Variants in CEP104 observed in about 807,000 individuals in gnomAD.
CEP104 encodes the protein centrosomal protein of 104 kDa.
A neutral mutation model predicts 113.3 loss-of-function variants in CEP104; 84 were observed. That is an observed-to-expected ratio of 0.74 (90% CI 0.62 to 0.89). CEP104 has a LOEUF of 0.89. CEP104 is among the 40% of genes least tolerant of loss of function. The pLI, the probability that CEP104 is intolerant of heterozygous loss-of-function variation, is 0.00. For missense variants in CEP104, 1,053 were observed against 1,156.6 expected (o/e 0.91, Z 1.30); for synonymous variants, 378 against 421.7 (o/e 0.90, Z 1.27).
chr1:3,851,933 C>T (rs777618767), intron 2 of CEP104, among the ~76,000 whole-genome samples: 2 of 152,158 alleles, frequency 1.3e-5, no homozygotes, highest in Admixed American at 6.5e-5. Flanking sequence ...AGGAGCCCAA[C>T]TGTAAAAGCA....
At chr1:3,854,557 C>A (rs776449036) in intron 1 of CEP104, among the ~76,000 whole-genome samples, 16 of 151,722 alleles carry the variant, frequency 1.1e-4, no homozygotes, top group Non-Finnish European at 2.1e-4. Context: ...TAACCTCTGT[C>A]TCCCTGGTTC....
At chr1:3,829,238 A>G (rs1644152208) in intron 15 of CEP104, 28 bp downstream of exon 15, 1 of 1,452,172 alleles carries the variant, frequency 6.9e-7, no homozygotes, top group Non-Finnish European at 9.4e-7. Context: ...CTAAAAGCAC[A>G]CAGGTGAAAG....
rs575235506 is a variant in CEP104 at position 3,826,729 on chromosome 1, C to T, written c.2167G>A (p.Ala723Thr). The T allele has an allele frequency of 8.1e-6, 13 of 1,614,022 alleles. No individual in the cohort carries two copies. The highest frequency in any genetic ancestry group is 2.5e-6 in the Non-Finnish European group (3 of 1,180,002). ...ATACCCTGATTCTTTGGCTTCACAG[C>T]ATCACTTTCTTTTTCCTAAGACACA... ...QAEVQEKESDAVKPKNQDIQG... is the reference protein window; with the variant it reads ...QAEVQEKESDTVKPKNQDIQG... The change falls in exon 16 of 22, where the codon GCT (alanine) becomes ACT (threonine). Residue 723 changes from alanine (A) to threonine (T), a missense_variant. Coordinates refer to ENST00000378230, the MANE Select transcript of CEP104 (RefSeq NM_014704.4).
In CEP104 at chr1:3,834,915, G is replaced by T; in HGVS notation, c.1485+10C>A. ...GCACGCTGGAGCCAGCGCCAGCTGA[G>T]GGCACTCACGGAGGTCACAATGTCC... On this transcript the variant is annotated intron_variant, in intron 11 of 21. Transcript: ENST00000378230. 6.4e-7 allele frequency: 1 copy of T among 1,572,122 alleles called. No homozygotes were observed. Among genetic ancestry groups the T allele is most frequent in the East Asian group, 2.3e-5 (1 of 43,148 alleles).
chr1:3,848,207 C>T (rs1192140254), intron 3 of CEP104, among the ~76,000 whole-genome samples: 1 of 152,096 alleles, frequency 6.6e-6, no homozygotes, highest in Non-Finnish European at 1.5e-5. Context: ...GTACATAACA[C>T]AGGACCAAAA....
chr1:3,834,170 A>C (rs1644267575), intron 11 of CEP104, 135 bp from the exon 12 acceptor site: 2 of 673,912 alleles, frequency 3.0e-6, no homozygotes, highest in Non-Finnish European at 5.0e-6. Flanking sequence ...TGAAAATTGC[A>C]AACTGAAAAC....
rs1643819620 is a variant in CEP104 at position 3,812,943 on chromosome 1, TGTCA to T, written c.*2455_*2458del. ...CCTGTTTTAAATGAACCCGTTTGCT[TGTCA>T]ATCACTAAAAATGAAGTCTTTTTAT... On this transcript the variant is annotated 3_prime_UTR_variant, in exon 22 of 22. Transcript: ENST00000378230. The T allele has an allele frequency of 6.6e-6, 1 of 152,160 alleles. No individual in the cohort carries two copies. Among genetic ancestry groups the T allele is most frequent in the African/African-American group, 2.4e-5 (1 of 41,436 alleles). The allele number at this position is 152,160 out of a possible 1,614,324, so 9.4% of individuals were successfully genotyped here.
At chr1:3,838,015 T>C (rs939645915) in intron 8 of CEP104, among the ~76,000 whole-genome samples, 2 of 152,234 alleles carry the variant, frequency 1.3e-5, no homozygotes, top group Admixed American at 1.3e-4. Flanking sequence ...ACAGGTAGGC[T>C]CATTAATGCT....
chr1:3,837,179 T>C (rs1470403764), intron 9 of CEP104, 113 bp downstream of exon 9: 2 of 808,812 alleles, frequency 2.5e-6, no homozygotes, highest in Admixed American at 2.3e-5. Flanking sequence ...CAGAGGTGGG[T>C]CTGGCTGGGG....
chr1:3,816,609 T>C (rs990416891), intron 20 of CEP104, among the ~76,000 whole-genome samples: 2 of 152,214 alleles, frequency 1.3e-5, no homozygotes, highest in African/African-American at 4.8e-5. Flanking sequence ...AGCCTGCATC[T>C]CGCATCCCCA....
intron 1 of CEP104, among the ~76,000 whole-genome samples, chr1:3,853,628 G>T (rs1217247547): frequency 1.3e-5 from 2 of 152,070 alleles, no homozygotes; most frequent in Non-Finnish European, 2.9e-5. Context: ...TTAATTATTG[G>T]CTGGCATTAT....
intron 20 of CEP104, among the ~76,000 whole-genome samples, chr1:3,817,502 T>C (rs947093541): frequency 6.6e-6 from 1 of 152,138 alleles, no homozygotes; most frequent in Non-Finnish European, 1.5e-5. Context: ...CTCAAGATAC[T>C]AGAGCGCTTG....
chr1:3,850,454 C>T (rs943626964), intron 2 of CEP104, among the ~76,000 whole-genome samples: 5 of 152,162 alleles, frequency 3.3e-5, no homozygotes, highest in South Asian at 2.1e-4. Context: ...CTTGGAAAAA[C>T]GTCTTGCTCT....
Position 3,833,898 on chromosome 1 carries a change from A to T in CEP104, c.1623T>A (p.Ser541=), listed in dbSNP as rs145735229. Residue 541 remains serine (S), a synonymous_variant, in exon 12 of 22, where the codon TCT becomes TCA. Coordinates refer to ENST00000378230, the MANE Select transcript of CEP104 (RefSeq NM_014704.4). ...PVLLTRTGDS[S]ARLRVTAANF... is the part of the protein sequence containing the mutation. ...TTGCAGCTGTGACGCGGAGGCGGGCAGAAGAATCTCCAGTTCTGGTGAGCA... is the reference window on the plus strand; with the variant it reads ...TTGCAGCTGTGACGCGGAGGCGGGCTGAAGAATCTCCAGTTCTGGTGAGCA... The T allele has an allele frequency of 3.1e-6, 5 of 1,614,150 alleles. No homozygotes were observed. In the African/African-American group the frequency reaches 6.7e-5, roughly 22 times the overall value.
chr1:3,851,052 C>T (rs991885819), intron 2 of CEP104, among the ~76,000 whole-genome samples: 3 of 152,172 alleles, frequency 2.0e-5, no homozygotes, highest in African/African-American at 4.8e-5. Context: ...GGGCTGCCCC[C>T]GTGGGTGTGC....
In CEP104 at chr1:3,815,547, G is replaced by A; in HGVS notation, c.2663-30C>T. ...AGAGCAAGCACAGGACCTGCATTAG[G>A]AGGGGCACTCCTACCCACGGACCAG... On this transcript the variant is annotated intron_variant, in intron 21 of 21. Transcript: ENST00000378230. 3 of 1,487,448 alleles carry A rather than the reference G, an allele frequency of 2.0e-6. No individual in the cohort carries two copies. The African/African-American group carries it at 4.2e-5, about 21-fold the overall frequency. 92.1% of individuals were successfully genotyped at this position (1,487,448 alleles called of 1,614,324 possible). A position where few individuals can be genotyped will look rare whatever the true frequency, so the allele number is the denominator to read the frequency against.
intron 16 of CEP104, 128 bp downstream of exon 16, chr1:3,826,580 A>C: frequency 7.7e-7 from 1 of 1,296,966 alleles, no homozygotes; most frequent in African/African-American, 1.5e-5. Context: ...GCTGAGGTGC[A>C]GCAGGCGTGC....
intron 1 of CEP104, among the ~76,000 whole-genome samples, chr1:3,853,452 C>T (rs1397341882): frequency 6.6e-6 from 1 of 151,884 alleles, no homozygotes; most frequent in Non-Finnish European, 1.5e-5. Flanking sequence ...AAGACTCCAT[C>T]AGAAAGTTCT....
intron 2 of CEP104, among the ~76,000 whole-genome samples, chr1:3,850,324 C>CTAGT (rs1395188573): frequency 6.6e-6 from 1 of 152,194 alleles, no homozygotes; most frequent in Non-Finnish European, 1.5e-5. Context: ...GCTAAAAAGG[C>CTAGT]TAGTATGCAT....
Sources: allele counts gnomAD v4.1 joint callset (sites outside exome capture counted in the v4.1 genomes callset), GRCh38; gene constraint gnomAD v4.1.1; transcripts MANE v1.5; gene names NCBI Gene and HGNC (gene_info 2026-07-23, HGNC 2026-07-21).